Variants in LRRC28 observed in about 807,000 individuals in gnomAD.
LRRC28 encodes the protein leucine rich repeat containing 28.
A neutral mutation model predicts 45.7 loss-of-function variants in LRRC28; 39 were observed. The observed-to-expected ratio is 0.85, with a 90% CI of 0.66 to 1.12. The LOEUF (loss-of-function observed/expected upper bound fraction) is 1.12. Ranked by LOEUF, LRRC28 falls within the 50% of genes most tolerant of loss-of-function variation. The probability of loss-of-function intolerance (pLI) is 0.00; values close to 1 mark genes in which losing one functional copy is unlikely to be tolerated. For synonymous variants in LRRC28, 206 were observed against 178.8 expected (o/e 1.15, Z -1.22); for missense variants, 435 against 438.5 (o/e 0.99, Z 0.07).
At chr15:99,261,261 G>C (rs573128221) in intron 2 of LRRC28, among the ~76,000 whole-genome samples, 1 of 152,336 alleles carries the variant, frequency 6.6e-6, no homozygotes, top group South Asian at 2.1e-4. Flanking sequence ...AAACAACATA[G>C]AGGCGTATCT....
intron 7 of LRRC28, 87 bp from the exon 8 acceptor site, chr15:99,361,249 A>C: frequency 6.9e-7 from 1 of 1,448,896 alleles, no homozygotes; most frequent in South Asian, 1.4e-5. Context: ...TAAATTTTCA[A>C]ATGTATATTT....
intron 5 of LRRC28, among the ~76,000 whole-genome samples, chr15:99,289,654 C>T (rs1362302582): frequency 6.6e-6 from 1 of 152,172 alleles, no homozygotes; most frequent in Non-Finnish European, 1.5e-5. Context: ...TGGCACCAGG[C>T]CGGGCGCGGT....
intron 5 of LRRC28, among the ~76,000 whole-genome samples, chr15:99,319,367 G>A (rs1567658926): frequency 6.6e-6 from 1 of 152,032 alleles, no homozygotes; most frequent in Non-Finnish European, 1.5e-5. Flanking sequence ...GGAAGATAAA[G>A]GATTTTTCCA....
At chr15:99,373,123 A>G (rs1407948665) in intron 9 of LRRC28, among the ~76,000 whole-genome samples, 1 of 152,152 alleles carries the variant, frequency 6.6e-6, no homozygotes, top group Non-Finnish European at 1.5e-5. Flanking sequence ...ACGCAGCTAA[A>G]CCATATGAGG....
At chr15:99,305,882 A>G (rs908121331) in intron 5 of LRRC28, among the ~76,000 whole-genome samples, 1 of 152,242 alleles carries the variant, frequency 6.6e-6, no homozygotes, top group Non-Finnish European at 1.5e-5. Flanking sequence ...ATTGTGATGC[A>G]TAACTTCGCA....
intron 5 of LRRC28, among the ~76,000 whole-genome samples, chr15:99,324,964 C>CA (rs1246629063): frequency 6.6e-6 from 1 of 151,940 alleles, no homozygotes; most frequent in Non-Finnish European, 1.5e-5. Context: ...CAATTTCTAC[C>CA]AAAAAAAGCC....
chr15:99,365,530 A>G (rs1358975120), intron 9 of LRRC28, among the ~76,000 whole-genome samples: 2 of 152,244 alleles, frequency 1.3e-5, no homozygotes, highest in African/African-American at 4.8e-5. Context: ...CATAGTCTTA[A>G]AAGTACTTCC....
At chr15:99,354,230 C>T (rs1488294577) in intron 7 of LRRC28, among the ~76,000 whole-genome samples, 1 of 152,164 alleles carries the variant, frequency 6.6e-6, no homozygotes, top group Non-Finnish European at 1.5e-5. Context: ...CCTAAGCAAA[C>T]TCATTAAAGA....
At chr15:99,330,397 G>T (rs796803360) in intron 5 of LRRC28, among the ~76,000 whole-genome samples, 21 of 151,966 alleles carry the variant, frequency 1.4e-4, no homozygotes, top group African/African-American at 4.8e-4. Flanking sequence ...TCAGTTTTTT[G>T]CTTTATATAA....
At chr15:99,361,654 T>C in intron 8 of LRRC28, 143 bp downstream of exon 8, 1 of 770,712 alleles carries the variant, frequency 1.3e-6, no homozygotes, top group South Asian at 2.1e-5. Flanking sequence ...TTTATCCATC[T>C]TTAAGTATAC....
At chr15:99,327,156 C>A (rs1177274248) in intron 5 of LRRC28, among the ~76,000 whole-genome samples, 4 of 151,946 alleles carry the variant, frequency 2.6e-5, no homozygotes, top group Non-Finnish European at 5.9e-5. Flanking sequence ...CTCATGGCAA[C>A]CTCCACCCCC....
At chr15:99,290,585 T>A (rs1178014876) in intron 5 of LRRC28, among the ~76,000 whole-genome samples, 1 of 152,142 alleles carries the variant, frequency 6.6e-6, no homozygotes, top group Non-Finnish European at 1.5e-5. Flanking sequence ...ACATAAGATA[T>A]ACAACCAAAA....
At chr15:99,255,768 G>A (rs556572219) in intron 1 of LRRC28, 130 bp from the exon 2 acceptor site, 4 of 461,462 alleles carry the variant, frequency 8.7e-6, no homozygotes, top group Middle Eastern at 5.7e-4. Context: ...AGTTTTGAAA[G>A]TAAAATGTAG....
At chr15:99,380,268 A>G (rs932151856) in intron 9 of LRRC28, among the ~76,000 whole-genome samples, 17 of 152,324 alleles carry the variant, frequency 1.1e-4, no homozygotes, top group Middle Eastern at 3.4e-3. Context: ...TTCTTGTTGA[A>G]TTGATCCCTT....
chr15:99,293,593 C>CCAAAAAAAAAAAAAAA lies in LRRC28; in HGVS notation c.385+5642_385+5643insCAAAAAAAAAAAAAAA, dbSNP rs747700282. ...GGGCAACAAGAACGAAACTCTGTCA[C>CCAAAAAAAAAAAAAAA]AAAAAAAAAAAAAAAAAAAAAAAAA... On this transcript the variant is annotated intron_variant, in intron 5 of 9. Coordinates refer to ENST00000301981, the MANE Select transcript of LRRC28 (RefSeq NM_144598.5). Among the ~76,000 whole-genome samples the CCAAAAAAAAAAAAAAA allele has an allele frequency of 1.7e-3, 75 of 44,078 alleles. 4 individuals carry two copies. The highest frequency in any genetic ancestry group is 0.018 in the Middle Eastern group (1 of 56). 28.9% of individuals were successfully genotyped at this position (44,078 alleles called of 152,430 possible).
chr15:99,372,295 C>G (rs1330926927), intron 9 of LRRC28, among the ~76,000 whole-genome samples: 3 of 152,192 alleles, frequency 2.0e-5, no homozygotes, highest in Non-Finnish European at 4.4e-5. Flanking sequence ...CTGAAATGCT[C>G]TTTCTTCTGC....
intron 9 of LRRC28, among the ~76,000 whole-genome samples, chr15:99,382,332 G>T (rs767875164): frequency 2.0e-4 from 31 of 152,354 alleles, no homozygotes; most frequent in Admixed American, 3.9e-4. Flanking sequence ...CTCCCAGCCA[G>T]GCATGGGATA....
chr15:99,289,565 A>C (rs1412327521), intron 5 of LRRC28, among the ~76,000 whole-genome samples: 1 of 152,244 alleles, frequency 6.6e-6, no homozygotes, highest in Non-Finnish European at 1.5e-5. Flanking sequence ...GAAATGTCTA[A>C]ATTAAAACAT....
intron 7 of LRRC28, among the ~76,000 whole-genome samples, chr15:99,355,032 G>C (rs1957006113): frequency 6.6e-6 from 1 of 152,164 alleles, no homozygotes; most frequent in Non-Finnish European, 1.5e-5. Context: ...GGAGAATAGA[G>C]AGACAATGGG....
Sources: allele counts gnomAD v4.1 joint callset (sites outside exome capture counted in the v4.1 genomes callset), GRCh38; gene constraint gnomAD v4.1.1; transcripts MANE v1.5; gene names NCBI Gene and HGNC (gene_info 2026-07-23, HGNC 2026-07-21).